Variants in CHCHD3 observed in about 807,000 individuals in gnomAD.
CHCHD3 encodes the protein coiled-coil-helix-coiled-coil-helix domain containing 3, also known as MICOS complex subunit MIC19.
Under a neutral mutation model 38.2 loss-of-function variants are expected in CHCHD3, and 20 were observed. The ratio of observed to expected loss-of-function variants is 0.52; its 90% CI spans 0.37 to 0.76. CHCHD3 has a LOEUF of 0.76. CHCHD3 is among the 30% of genes least tolerant of loss of function. The pLI, the probability that CHCHD3 is intolerant of heterozygous loss-of-function variation, is 0.00. For synonymous variants in CHCHD3, 82 were observed against 100.0 expected, an observed-to-expected ratio of 0.82 and a Z score of 1.07; for missense variants, 245 against 279.2, an observed-to-expected ratio of 0.88 and a Z score of 0.87.
chr7:133,036,683 A>G (rs934349370), intron 2 of CHCHD3, among the ~76,000 whole-genome samples: 13 of 152,210 alleles, frequency 8.5e-5, no homozygotes, highest in African/African-American at 2.9e-4. Flanking sequence ...ACAAATTACT[A>G]ATAAGGTTTC....
In CHCHD3 at chr7:132,997,659, TAAAAAA is replaced by T. The variant is rs71178073; in HGVS notation, c.252-22379_252-22374del. Among the ~76,000 whole-genome samples the T allele has an allele frequency of 5.9e-3, 485 of 81,742 alleles. 4 individuals carry two copies. The highest frequency in any genetic ancestry group is 0.022 in the African/African-American group (452 of 20,860). The allele number at this position is 81,742 out of a possible 152,430, so 53.6% of individuals were successfully genotyped here. ...CTTCTCACTGTAACTAACAGGGTTG[TAAAAAA>T]AAAAAAAAAAAAAAAAAAAAAAACA... On this transcript the variant is annotated intron_variant, in intron 3 of 7. Transcript: ENST00000262570.
chr7:132,886,943 C>T, intron 4 of CHCHD3: 1 of 1,271,166 alleles, frequency 7.9e-7, no homozygotes, highest in Non-Finnish European at 1.0e-6. Context: ...GAACTACTTG[C>T]ACATTTATAG....
intron 4 of CHCHD3, among the ~76,000 whole-genome samples, chr7:132,921,586 C>T (rs1810264604): frequency 6.6e-6 from 1 of 152,000 alleles, no homozygotes; most frequent in Non-Finnish European, 1.5e-5. Context: ...TAAAGAAGAG[C>T]TTGAGACCTT....
At chr7:132,843,023 C>T (rs1173988989) in intron 5 of CHCHD3, among the ~76,000 whole-genome samples, 1 of 152,066 alleles carries the variant, frequency 6.6e-6, no homozygotes, top group Non-Finnish European at 1.5e-5. Context: ...TCTGATGGTA[C>T]ATAGATTTCT....
intron 6 of CHCHD3, among the ~76,000 whole-genome samples, chr7:132,798,685 C>T (rs1279416587): frequency 6.6e-5 from 10 of 152,064 alleles, no homozygotes; most frequent in African/African-American, 1.4e-4. Flanking sequence ...CAACCCTGAC[C>T]AGATATGCAG....
intron 5 of CHCHD3, among the ~76,000 whole-genome samples, chr7:132,878,397 C>A (rs143385775): frequency 1.1e-4 from 16 of 152,216 alleles, no homozygotes; most frequent in African/African-American, 3.9e-4. Flanking sequence ...TACAGATGAG[C>A]CCAACACTTT....
chr7:132,819,394 C>T (rs556070788), intron 6 of CHCHD3, among the ~76,000 whole-genome samples: 4 of 152,250 alleles, frequency 2.6e-5, no homozygotes, highest in East Asian at 1.9e-4. Flanking sequence ...CACGAGAAAA[C>T]GCACTTTTTT....
intron 1 of CHCHD3, among the ~76,000 whole-genome samples, chr7:133,076,588 A>AG (rs973003380): frequency 6.6e-6 from 1 of 152,208 alleles, no homozygotes; most frequent in Non-Finnish European, 1.5e-5. Flanking sequence ...TGCTCCACAG[A>AG]GGGGGAAAGG....
chr7:133,057,431 C>A (rs1040289714), intron 2 of CHCHD3, among the ~76,000 whole-genome samples: 4 of 151,984 alleles, frequency 2.6e-5, no homozygotes, highest in Non-Finnish European at 5.9e-5. Context: ...TGTGGGGGCA[C>A]CTGCCTGTAG....
intron 6 of CHCHD3, among the ~76,000 whole-genome samples, chr7:132,833,604 G>A (rs1469885696): frequency 6.6e-6 from 1 of 152,116 alleles, no homozygotes; most frequent in Non-Finnish European, 1.5e-5. Flanking sequence ...TGTTTTCTTA[G>A]TTGTATATTC....
intron 1 of CHCHD3, among the ~76,000 whole-genome samples, chr7:133,075,952 G>T (rs1701336102): frequency 6.6e-6 from 1 of 150,674 alleles, no homozygotes; most frequent in African/African-American, 2.4e-5. Context: ...CCAGCTACTT[G>T]GGAAGCTGAA....
At chr7:132,918,302 C>T (rs1228104365) in intron 4 of CHCHD3, among the ~76,000 whole-genome samples, 1 of 152,138 alleles carries the variant, frequency 6.6e-6, no homozygotes, top group Non-Finnish European at 1.5e-5. Flanking sequence ...TCATGGGCTA[C>T]CCAGGCTTTA....
chr7:133,010,867 C>T (rs538808912), intron 3 of CHCHD3, among the ~76,000 whole-genome samples: 1 of 152,044 alleles, frequency 6.6e-6, no homozygotes, highest in Non-Finnish European at 1.5e-5. Context: ...GCATGCCCAG[C>T]CCTCATAAAC....
intron 4 of CHCHD3, among the ~76,000 whole-genome samples, chr7:132,947,232 A>C (rs1037688318): frequency 6.6e-6 from 1 of 151,980 alleles, no homozygotes; most frequent in Non-Finnish European, 1.5e-5. Flanking sequence ...TTATTAAACA[A>C]AAATTGAATG....
chr7:133,025,962 T>C (rs1020992392), intron 2 of CHCHD3, among the ~76,000 whole-genome samples: 6 of 152,220 alleles, frequency 3.9e-5, no homozygotes, highest in Non-Finnish European at 7.3e-5. Context: ...AAATATTTCA[T>C]TGGCATGAGG....
chr7:132,990,565 T>C (rs1192747859), intron 3 of CHCHD3, among the ~76,000 whole-genome samples: 1 of 152,084 alleles, frequency 6.6e-6, no homozygotes, highest in Non-Finnish European at 1.5e-5. Flanking sequence ...CTGAGAGACA[T>C]GGGTGGGGTC....
At chr7:132,898,067 G>C (rs1158314812) in intron 4 of CHCHD3, among the ~76,000 whole-genome samples, 2 of 151,840 alleles carry the variant, frequency 1.3e-5, no homozygotes, top group Non-Finnish European at 2.9e-5. Context: ...TGTTCCTCCC[G>C]GTGGGCTCGT....
intron 3 of CHCHD3, among the ~76,000 whole-genome samples, chr7:132,994,650 C>T (rs1271605968): frequency 6.6e-6 from 1 of 152,148 alleles, no homozygotes; most frequent in African/African-American, 2.4e-5. Context: ...TCTTAAGAAT[C>T]AAATTTTATA....
In CHCHD3 at chr7:132,983,394, G is replaced by T. The variant is rs143739267; in HGVS notation, c.252-8108C>A. Among the ~76,000 whole-genome samples the T allele has an allele frequency of 2.0e-5, 3 of 152,228 alleles. No homozygotes were observed. In the East Asian group the frequency reaches 5.8e-4, roughly 29 times the overall value. ...GTACATGGCACCATCTGCAGTGGACGGAAACGTAAACAGAGGTAAAGATGC... is the reference window on the plus strand; with the variant it reads ...GTACATGGCACCATCTGCAGTGGACTGAAACGTAAACAGAGGTAAAGATGC... On this transcript the variant is annotated intron_variant, in intron 3 of 7. Transcript: ENST00000262570.
Sources: allele counts gnomAD v4.1 joint callset (sites outside exome capture counted in the v4.1 genomes callset), GRCh38; gene constraint gnomAD v4.1.1; transcripts MANE v1.5; gene names NCBI Gene and HGNC (gene_info 2026-07-23, HGNC 2026-07-21).